Variants in UNKL observed in about 807,000 individuals in gnomAD.
UNKL encodes the protein putative E3 ubiquitin-protein ligase UNKL.
UNKL carries 60 observed loss-of-function variants against 78.0 expected under a neutral mutation model. That is an observed-to-expected ratio of 0.77 (90% CI 0.63 to 0.95). The LOEUF is 0.95. Among genes scored for constraint, UNKL ranks in the 40% least tolerant of loss-of-function variants. UNKL has a pLI of 0.00. For missense variants in UNKL, 1,159 were observed against 1,045.7 expected (o/e 1.11, Z -1.49); for synonymous variants, 608 against 474.8 (o/e 1.28, Z -3.65).
chr16:1,367,381 AC>A (rs1567196399), intron 13 of UNKL, 32 bp from the exon 14 acceptor site: 10 of 1,482,098 alleles, frequency 6.7e-6, no homozygotes, highest in Non-Finnish European at 8.9e-6. Flanking sequence ...AGCACCCCCC[AC>A]CTCACCTGTG....
Position 1,403,422 on chromosome 16 carries a change from G to A in UNKL, c.288-78C>T. ...CCTAAGCTCCCTGGGTCCACGCCCT[G>A]TCAGCACGTGGCAAGCAGTGAATTC... On this transcript the variant is annotated intron_variant, in intron 2 of 14. Transcript: ENST00000389221. The surrounding 1 kb of genome is among the most constrained non-coding windows in gnomAD (Gnocchi z 4.8). The A allele has an allele frequency of 6.7e-7, 1 of 1,492,534 alleles. No individual in the cohort carries two copies. Among genetic ancestry groups the A allele is most frequent in the Non-Finnish European group, 9.0e-7 (1 of 1,105,426 alleles). The allele number at this position is 1,492,534 out of a possible 1,614,324, so 92.5% of individuals were successfully genotyped here.
At chr16:1,371,941 G>A (rs1383588846) in intron 10 of UNKL, among the ~76,000 whole-genome samples, 3 of 152,160 alleles carry the variant, frequency 2.0e-5, no homozygotes, top group South Asian at 2.1e-4. Flanking sequence ...ATCTGTCCAC[G>A]TGTGCACATT....
At chr16:1,382,263 C>A (rs919275069) in intron 10 of UNKL, among the ~76,000 whole-genome samples, 1 of 152,362 alleles carries the variant, frequency 6.6e-6, no homozygotes, top group East Asian at 1.9e-4. Flanking sequence ...CCACATGCTT[C>A]CTCCTCCATA....
At chr16:1,389,278 A>G (rs1032571848) in intron 9 of UNKL, among the ~76,000 whole-genome samples, 2 of 152,156 alleles carry the variant, frequency 1.3e-5, no homozygotes, top group Non-Finnish European at 2.9e-5. Flanking sequence ...GCCTGTGAGG[A>G]GTAATTAAGG....
Position 1,399,201 on chromosome 16 carries a change from G to C in UNKL, c.734+173C>G, listed in dbSNP as rs2037405390. ...GCCCATCCCCAGGACAGACGCGTGG[G>C]CCTCCATGGCACCTCCCACAGCCAC... On this transcript the variant is annotated intron_variant, in intron 5 of 14. Transcript: ENST00000389221. The surrounding 1 kb of genome is among the most constrained non-coding windows in gnomAD (Gnocchi z 5.8). 1 of 1,212,722 alleles carries C rather than the reference G, an allele frequency of 8.2e-7. No individual in the cohort carries two copies. Among genetic ancestry groups the C allele is most frequent in the East Asian group, 2.6e-5 (1 of 38,154 alleles). The allele number at this position is 1,212,722 out of a possible 1,614,324, so 75.1% of individuals were successfully genotyped here. A position where few individuals can be genotyped will look rare whatever the true frequency, so the allele number is the denominator to read the frequency against.
At chr16:1,414,214 A>C in intron 1 of UNKL, 159 bp from the exon 2 acceptor site, 1 of 697,672 alleles carries the variant, frequency 1.4e-6, no homozygotes, top group Admixed American at 3.1e-5. Flanking sequence ...CCCCATCCCG[A>C]CTCCAGACGC....
intron 2 of UNKL, among the ~76,000 whole-genome samples, chr16:1,410,766 T>A (rs922604005): frequency 1.3e-5 from 2 of 152,216 alleles, no homozygotes; most frequent in African/African-American, 4.8e-5. Flanking sequence ...AATCAGGGGC[T>A]GAGCCCAGAC....
At chr16:1,411,804 GAC>G (rs2142294875) in intron 2 of UNKL, 1 of 152,358 alleles carries the variant, frequency 6.6e-6, no homozygotes, top group East Asian at 1.9e-4. Flanking sequence ...CAGCCTGGGT[GAC>G]AGAGACTTCG....
rs1199570528 is a variant in UNKL, at chr16:1,385,324, G to A, written c.1148C>T (p.Ala383Val). Residue 383 changes from alanine (A) to valine (V), a missense_variant, in exon 10 of 15, where the codon GCG becomes GTG. Coordinates refer to ENST00000389221, the MANE Select transcript of UNKL (RefSeq NM_001372107.1). ...PPAPSVSSSV[A>V]SSLASSAGSG... ...GCCGGCGCTGGACGCCAGGCTGGAC[G>A]CCACGCTGGAGCTCACGCTGGGGGC... The A allele has an allele frequency of 1.4e-5, 20 of 1,421,392 alleles. No individual in the cohort carries two copies. The highest frequency in any genetic ancestry group is 1.8e-5 in the Non-Finnish European group (20 of 1,091,988). 88.0% of individuals were successfully genotyped at this position (1,421,392 alleles called of 1,614,324 possible). A position where few individuals can be genotyped will look rare whatever the true frequency, so the allele number is the denominator to read the frequency against.
At chr16:1,400,202 C>T (rs908268654) in intron 4 of UNKL, among the ~76,000 whole-genome samples, 11 of 151,980 alleles carry the variant, frequency 7.2e-5, no homozygotes, top group Non-Finnish European at 1.5e-4. Flanking sequence ...GGGTGGATCA[C>T]AAGGTCAGGA....
Position 1,366,098 on chromosome 16 carries a change from G to A in UNKL, c.*142C>T, listed in dbSNP as rs2035228713. On this transcript the variant is annotated 3_prime_UTR_variant, in exon 15 of 15. Coordinates refer to ENST00000389221, the MANE Select transcript of UNKL (RefSeq NM_001372107.1). The stretch of plus-strand genomic sequence containing the variant: ...AGGCCAAGCGCAGGCGGGGCTCCCA[G>A]CCTCATGATAACGTGTAACAGGAAG... 9.6e-7 allele frequency: 1 copy of A among 1,044,012 alleles called. No homozygotes were observed. The highest frequency in any genetic ancestry group is 1.3e-6 in the Non-Finnish European group (1 of 774,350). The allele number at this position is 1,044,012 out of a possible 1,614,324, so 64.7% of individuals were successfully genotyped here.
chr16:1,396,725 C>T (rs1240043382), intron 6 of UNKL, among the ~76,000 whole-genome samples: 1 of 152,146 alleles, frequency 6.6e-6, no homozygotes, highest in Admixed American at 6.5e-5. Flanking sequence ...TCCTGAGTAG[C>T]TGGGACTACA....
intron 8 of UNKL, among the ~76,000 whole-genome samples, chr16:1,391,239 TACACACACAC>T (rs142620901): frequency 2.7e-3 from 28 of 10,358 alleles, no homozygotes; most frequent in Non-Finnish European, 3.8e-3. Flanking sequence ...CCCTTAAAGA[TACACACACAC>T]ACACACACAC....
rs762555613 is a variant in UNKL at position 1,385,353 on chromosome 16, C to T, written c.1119G>A (p.Pro373=). 1.8e-5 allele frequency: 26 copies of T among 1,414,370 alleles called. No homozygotes were observed. Among genetic ancestry groups the T allele is most frequent in the Admixed American group, 9.1e-5 (3 of 32,958 alleles). The allele number at this position is 1,414,370 out of a possible 1,614,324, so 87.6% of individuals were successfully genotyped here. A position where few individuals can be genotyped will look rare whatever the true frequency, so the allele number is the denominator to read the frequency against. ...NHLAVFAAVH[P]PAPSVSSSVA... is the part of the protein sequence containing the mutation. Reference sequence around the variant, plus strand: ...CGCTGGAGCTCACGCTGGGGGCCGGCGGGTGGACCGCTGCAAACACGGCCA... The same window carrying T: ...CGCTGGAGCTCACGCTGGGGGCCGGTGGGTGGACCGCTGCAAACACGGCCA... Residue 373 remains proline (P), a synonymous_variant, in exon 10 of 15, where the codon CCG becomes CCA. Transcript: ENST00000389221.
chr16:1,388,474 A>G (rs1481043716), intron 9 of UNKL, among the ~76,000 whole-genome samples: 2 of 152,180 alleles, frequency 1.3e-5, no homozygotes, highest in African/African-American at 4.8e-5. Flanking sequence ...AACAGGGACC[A>G]GAGAGGAAGC....
At position 1,399,059 on chromosome 16, in the gene UNKL, G is replaced by T; in HGVS notation, c.734+315C>A. 1 of 1,372,866 alleles carries T rather than the reference G, an allele frequency of 7.3e-7. No individual in the cohort carries two copies. Among genetic ancestry groups the T allele is most frequent in the Non-Finnish European group, 9.6e-7 (1 of 1,041,316 alleles). The allele number at this position is 1,372,866 out of a possible 1,614,324, so 85.0% of individuals were successfully genotyped here. On this transcript the variant is annotated intron_variant, in intron 5 of 14. Coordinates refer to ENST00000389221, the MANE Select transcript of UNKL (RefSeq NM_001372107.1). This position sits in a 1 kb window ranked among gnomAD's most constrained non-coding sequence, Gnocchi z 5.8. ...CGTGGCTGCAACCAGAGGCACGGGT[G>T]GGGCACACGGGGGTCCCAGCTGGGC...
At chr16:1,379,118 C>T (rs995947281) in intron 10 of UNKL, 1 of 152,324 alleles carries the variant, frequency 6.6e-6, no homozygotes, top group African/African-American at 2.4e-5. Flanking sequence ...TGACACAGCA[C>T]ATTCAAGGCG....
At chr16:1,388,624 AAT>A (rs1298461168) in intron 9 of UNKL, among the ~76,000 whole-genome samples, 3 of 152,176 alleles carry the variant, frequency 2.0e-5, no homozygotes, top group Non-Finnish European at 4.4e-5. Flanking sequence ...CCCAAGGCAC[AAT>A]GGCCACAGAT....
intron 14 of UNKL, 134 bp downstream of exon 14, chr16:1,366,955 TCTC>T (rs902731461): frequency 1.2e-5 from 17 of 1,410,338 alleles, no homozygotes; most frequent in South Asian, 3.1e-5. Context: ...TGGGGCACCG[TCTC>T]CTCCTCCCTA....
Sources: allele counts gnomAD v4.1 joint callset (sites outside exome capture counted in the v4.1 genomes callset), GRCh38; gene constraint gnomAD v4.1.1; non-coding constraint Gnocchi (gnomAD v3.1); transcripts MANE v1.5; gene names NCBI Gene and HGNC (gene_info 2026-07-23, HGNC 2026-07-21).